Variants in FAM193A observed in about 807,000 individuals in gnomAD.
FAM193A encodes the protein family with sequence similarity 193 member A, also known as protein FAM193A.
Under a neutral mutation model 126.5 loss-of-function variants are expected in FAM193A, and 22 were observed. The observed-to-expected ratio is 0.17, with a 90% CI of 0.12 to 0.25. The LOEUF (loss-of-function observed/expected upper bound fraction) is 0.25. Among genes scored for constraint, FAM193A ranks in the 10% least tolerant of loss-of-function variants. FAM193A has a pLI of 1.00. For missense variants in FAM193A, 1,675 were observed against 1,672.8 expected, an observed-to-expected ratio of 1.00 and a Z score of -0.02; for synonymous variants, 761 against 646.8, an observed-to-expected ratio of 1.18 and a Z score of -2.68.
At chr4:2,717,518 C>T (rs1719673700) in intron 20 of FAM193A, among the ~76,000 whole-genome samples, 2 of 151,240 alleles carry the variant, frequency 1.3e-5, no homozygotes, top group South Asian at 4.2e-4. Flanking sequence ...ATTGCTTGAA[C>T]CTGGGAGGCA....
chr4:2,552,161 A>G (rs925167002), intron 1 of FAM193A, among the ~76,000 whole-genome samples: 1 of 151,650 alleles, frequency 6.6e-6, no homozygotes, highest in Non-Finnish European at 1.5e-5. Flanking sequence ...ACAGGTGCCC[A>G]CCACCACGCC....
At chr4:2,573,250 C>G (rs1251024666) in intron 1 of FAM193A, among the ~76,000 whole-genome samples, 1 of 152,090 alleles carries the variant, frequency 6.6e-6, no homozygotes, top group Non-Finnish European at 1.5e-5. Context: ...CAGTGGCTCA[C>G]ACCTGTAATC....
At chr4:2,615,823 A>AT (rs1016725598) in intron 2 of FAM193A, among the ~76,000 whole-genome samples, 2 of 144,088 alleles carry the variant, frequency 1.4e-5, no homozygotes, top group Non-Finnish European at 3.0e-5. Flanking sequence ...GGCCTATTTT[A>AT]TTTTTTTAGA....
intron 13 of FAM193A, among the ~76,000 whole-genome samples, chr4:2,682,097 G>C (rs559374906): frequency 6.7e-6 from 1 of 148,656 alleles, no homozygotes; most frequent in Non-Finnish European, 1.5e-5. Flanking sequence ...CCATTCTCCT[G>C]CCTCAGCCTC....
chr4:2,655,029 A>G, intron 7 of FAM193A: 1 of 668,966 alleles, frequency 1.5e-6, no homozygotes, highest in Non-Finnish European at 2.7e-6. Context: ...CTTTTCCAGC[A>G]TTTGTCCCCT....
At chr4:2,689,762 C>T in intron 14 of FAM193A, 58 bp downstream of exon 14, 2 of 1,277,704 alleles carry the variant, frequency 1.6e-6, no homozygotes, top group South Asian at 2.8e-5. Context: ...AGACTGACAT[C>T]TTTGCCGTAG....
intron 1 of FAM193A, among the ~76,000 whole-genome samples, chr4:2,568,721 G>T (rs763134936): frequency 3.0e-4 from 45 of 152,184 alleles, no homozygotes; most frequent in Non-Finnish European, 5.6e-4. Flanking sequence ...AGTGAAAAAG[G>T]AGGAGTGATT....
intron 1 of FAM193A, among the ~76,000 whole-genome samples, chr4:2,587,401 C>T (rs535085337): frequency 1.2e-4 from 19 of 152,292 alleles, no homozygotes; most frequent in African/African-American, 4.3e-4. Context: ...CCCATTAGGC[C>T]CACCTCCAGC....
chr4:2,640,831 G>A (rs1166361541), intron 6 of FAM193A, among the ~76,000 whole-genome samples: 2 of 151,900 alleles, frequency 1.3e-5, no homozygotes, highest in African/African-American at 2.4e-5. Context: ...CGGGCTTGGT[G>A]GCACATACCT....
chr4:2,668,297 T>G (rs1197729891), intron 12 of FAM193A, among the ~76,000 whole-genome samples: 1 of 150,580 alleles, frequency 6.6e-6, no homozygotes, highest in African/African-American at 2.4e-5. Flanking sequence ...CACTGCAACC[T>G]CTGCTTCCCA....
At chr4:2,655,424 CGTGTGTGTGTGTGCGTGTGCGCCTGT>C (rs958693507) in intron 7 of FAM193A, among the ~76,000 whole-genome samples, 1 of 149,098 alleles carries the variant, frequency 6.7e-6, no homozygotes, top group Admixed American at 6.6e-5. Context: ...TGATTTAGGA[CGTGTGTGTGTGTGCGTGTGCGCCTGT>C]GTGTGTGTGT....
At chr4:2,537,415 G>A (rs1211706421) in intron 1 of FAM193A, among the ~76,000 whole-genome samples, 1 of 152,100 alleles carries the variant, frequency 6.6e-6, no homozygotes, top group Non-Finnish European at 1.5e-5. Flanking sequence ...GAGGCGGCGG[G>A]AGGGCTACAC....
At chr4:2,563,598 AT>A (rs1560445545) in intron 1 of FAM193A, among the ~76,000 whole-genome samples, 2 of 152,322 alleles carry the variant, frequency 1.3e-5, no homozygotes, top group East Asian at 3.9e-4. Context: ...ATCAGAGATA[AT>A]GCTAATAGTG....
intron 15 of FAM193A, among the ~76,000 whole-genome samples, chr4:2,691,984 C>T (rs904196474): frequency 1.3e-5 from 2 of 152,032 alleles, no homozygotes; most frequent in Admixed American, 6.6e-5. Context: ...AAGTATGCAG[C>T]ATTCATGGAG....
intron 19 of FAM193A, among the ~76,000 whole-genome samples, chr4:2,710,734 G>A (rs1343537500): frequency 6.6e-6 from 1 of 151,262 alleles, no homozygotes; most frequent in African/African-American, 2.4e-5. Flanking sequence ...CAAACTCCTG[G>A]TCTCAAGCCA....
intron 2 of FAM193A, among the ~76,000 whole-genome samples, chr4:2,601,345 G>T (rs1435147164): frequency 1.3e-5 from 2 of 149,134 alleles, no homozygotes; most frequent in Non-Finnish European, 3.0e-5. Flanking sequence ...CGATTCTGGT[G>T]ACTCAGCCTC....
At chr4:2,715,099 C>G (rs775761110) in intron 19 of FAM193A, among the ~76,000 whole-genome samples, 1 of 152,230 alleles carries the variant, frequency 6.6e-6, no homozygotes, top group Non-Finnish European at 1.5e-5. Context: ...TCCCTGCTAT[C>G]CTGCCTGTTT....
At chr4:2,602,876 T>G (rs986566698) in intron 2 of FAM193A, among the ~76,000 whole-genome samples, 3 of 150,120 alleles carry the variant, frequency 2.0e-5, no homozygotes, top group African/African-American at 7.4e-5. Context: ...TAGCCAGGAT[T>G]GTCTGGATCT....
chr4:2,555,510 G>C (rs1738193930), intron 1 of FAM193A, among the ~76,000 whole-genome samples: 1 of 152,212 alleles, frequency 6.6e-6, no homozygotes, highest in Admixed American at 6.5e-5. Flanking sequence ...TGGGTGCAGT[G>C]GTTTACAACC....
Sources: allele counts gnomAD v4.1 joint callset (sites outside exome capture counted in the v4.1 genomes callset), GRCh38; gene constraint gnomAD v4.1.1; transcripts MANE v1.5; gene names NCBI Gene and HGNC (gene_info 2026-07-23, HGNC 2026-07-21).